Variants in MAP1S observed in about 807,000 individuals in gnomAD.
MAP1S encodes microtubule associated protein 1S.
A neutral mutation model predicts 60.9 loss-of-function variants in MAP1S; 27 were observed. The observed-to-expected ratio is 0.44, with a 90% CI of 0.33 to 0.61. MAP1S has a LOEUF of 0.61. MAP1S is among the 20% of genes least tolerant of loss of function. The pLI is 0.03. For missense variants in MAP1S, 1,608 were observed against 1,486.6 expected, an observed-to-expected ratio of 1.08 and a Z score of -1.34; for synonymous variants, 826 against 694.2, an observed-to-expected ratio of 1.19 and a Z score of -2.98.
At chr19:17,720,605 G>A in intron 1 of MAP1S, 1 of 1,193,856 alleles carries the variant, frequency 8.4e-7, no homozygotes, top group Non-Finnish European at 1.1e-6. Context: ...GGGGCGGCAG[G>A]GGGATGGACT....
chr19:17,725,107 G>A lies in MAP1S; in HGVS notation c.362G>A (p.Cys121Tyr), dbSNP rs1416949323. 1.2e-6 allele frequency: 2 copies of A among 1,614,052 alleles called. No individual in the cohort carries two copies. Among genetic ancestry groups the A allele is most frequent in the Non-Finnish European group, 8.5e-7 (1 of 1,180,040 alleles). ...SHKLLVLAGP[C>Y]LEETGELLLQ... is the part of the protein sequence containing the mutation. ...AAGCTACTGGTGTTGGCTGGGCCCT[G>A]CCTGGAGGAGACGGGGGAGCTGCTG... The change falls in exon 4 of 7, where the codon TGC becomes TAC. Residue 121 changes from cysteine to tyrosine, a missense_variant. By Grantham distance (194) the Cys-to-Tyr change is radical. Coordinates refer to ENST00000324096, the MANE Select transcript of MAP1S (RefSeq NM_018174.6). This position sits in a 1 kb window ranked among gnomAD's most constrained non-coding sequence, Gnocchi z 4.2.
chr19:17,728,498 C>G (rs536959834), intron 5 of MAP1S, among the ~76,000 whole-genome samples: 11 of 152,100 alleles, frequency 7.2e-5, no homozygotes, highest in Non-Finnish European at 1.5e-4. Context: ...GTGTGCCCAC[C>G]TCAGCCTCCC....
rs200333396 is a variant in MAP1S, at chr19:17,726,783, C to T, written c.1399C>T (p.Pro467Ser). The T allele has an allele frequency of 3.7e-4, 579 of 1,552,446 alleles. 6 individuals carry two copies. In the African/African-American group the frequency reaches 6.9e-3, roughly 19 times the overall value. ...GGTGACGCCCCAGGACCTGGAGGGGCCGGGGCGAGCCGAGAGCAAAGAGAG... is the reference window on the plus strand; with the variant it reads ...GGTGACGCCCCAGGACCTGGAGGGGTCGGGGCGAGCCGAGAGCAAAGAGAG... ...PVVTPQDLEGPGRAESKESVG... is the reference protein window; with the variant it reads ...PVVTPQDLEGSGRAESKESVG... The change falls in exon 5 of 7, where the codon CCG (proline) becomes TCG (serine). Residue 467 changes from proline (P) to serine (S), a missense_variant. Around this residue, in one of 4 missense-constraint regions of MAP1S, gnomAD observed 1,167 missense variants for 961.4 expected, o/e 1.21. Coordinates refer to ENST00000324096, the MANE Select transcript of MAP1S (RefSeq NM_018174.6).
rs1435075764 is a variant in MAP1S, at chr19:17,721,002, C to T, written c.185C>T (p.Ser62Phe). 6.2e-7 allele frequency: 1 copy of T among 1,614,096 alleles called. No homozygotes were observed. Among genetic ancestry groups the T allele is most frequent in the East Asian group, 2.2e-5 (1 of 44,884 alleles). Residue 62 changes from serine to phenylalanine, a missense_variant, in exon 2 of 7, where the codon TCC (serine) becomes TTC (phenylalanine). Physicochemically the swap from Ser to Phe is radical, Grantham distance 155. Coordinates refer to ENST00000324096, the MANE Select transcript of MAP1S (RefSeq NM_018174.6). ...NLDEQLKVFV[S>F]RHSATFSSIV... ...GATGAACAGCTCAAGGTCTTTGTGT[C>T]CCGACACTCTGCCACCTTCTCCAGC... is the stretch of plus-strand genomic sequence containing the variant.
rs1250279146 is a variant in MAP1S at position 17,724,196 on chromosome 19, C to G, written c.291C>G (p.Ser97=). Residue 97 remains serine (S), a synonymous_variant, in exon 3 of 7, where the codon TCC becomes TCG. Coordinates refer to ENST00000324096, the MANE Select transcript of MAP1S (RefSeq NM_018174.6). The part of the protein sequence containing the change: ...TLVLLNPSDK[S]LYDELRNLLL... ...TCCTCCTGAACCCATCAGACAAGTC[C>G]CTGTATGATGAGGTAGGGAATGGCT... 1.9e-6 allele frequency: 3 copies of G among 1,613,726 alleles called. No homozygotes were observed. The highest frequency in any genetic ancestry group is 2.5e-6 in the Non-Finnish European group (3 of 1,179,920).
At chr19:17,722,999 G>A (rs2145972116) in intron 2 of MAP1S, among the ~76,000 whole-genome samples, 1 of 152,286 alleles carries the variant, frequency 6.6e-6, no homozygotes, top group South Asian at 2.1e-4. Flanking sequence ...CCCTGGTCCG[G>A]GTTGGCCCTC....
intron 2 of MAP1S, 92 bp from the exon 3 acceptor site, chr19:17,724,034 A>T: frequency 1.1e-6 from 1 of 917,210 alleles, no homozygotes; most frequent in Non-Finnish European, 1.8e-6. Flanking sequence ...TCTCCATATG[A>T]TCCCTGGGTG....
intron 5 of MAP1S, among the ~76,000 whole-genome samples, chr19:17,731,308 T>G (rs2080491316): frequency 6.6e-6 from 1 of 152,228 alleles, no homozygotes; most frequent in Non-Finnish European, 1.5e-5. Context: ...AAAGATCCAG[T>G]GTCATTCTCT....
intron 5 of MAP1S, chr19:17,732,921 A>G (rs568611892): frequency 1.3e-4 from 59 of 463,822 alleles, no homozygotes; most frequent in African/African-American, 1.1e-3. Flanking sequence ...GCGTGGTGAC[A>G]TGCACCTGTA....
chr19:17,726,520 C>T lies in MAP1S; in HGVS notation c.1136C>T (p.Ala379Val). 6.4e-7 allele frequency: 1 copy of T among 1,559,186 alleles called. No homozygotes were observed. Among genetic ancestry groups the T allele is most frequent in the South Asian group, 1.2e-5 (1 of 85,606 alleles). Residue 379 changes from alanine to valine, a missense_variant, in exon 5 of 7, where the codon GCC (alanine) becomes GTC (valine). Coordinates refer to ENST00000324096, the MANE Select transcript of MAP1S (RefSeq NM_018174.6). ...PLPLSRGPVP[A>V]KPTVLFEKMG... ...CCACTCAGCCGCGGCCCCGTGCCAG[C>T]CAAACCCACCGTGCTCTTCGAGAAG...
intron 2 of MAP1S, among the ~76,000 whole-genome samples, chr19:17,722,843 C>CGA (rs145948800): frequency 1.4e-5 from 2 of 147,710 alleles, no homozygotes; most frequent in Admixed American, 1.4e-4. Flanking sequence ...GTGATAAGGG[C>CGA]GAGAGAGAGA....
rs1482491313 is a variant in MAP1S, at chr19:17,725,548, A to T, written c.445-281A>T. On this transcript the variant is annotated intron_variant, in intron 4 of 6. Transcript: ENST00000324096. This position sits in a 1 kb window ranked among gnomAD's most constrained non-coding sequence, Gnocchi z 4.2. ...AATGGTGAGAAAAGGTTCAGTAGAC[A>T]GGTGGGGCGTGGAGAGTCTCCTTGG... Among the ~76,000 whole-genome samples the T allele has an allele frequency of 6.6e-6, 1 of 152,196 alleles. No individual in the cohort carries two copies.
chr19:17,727,767 T>C lies in MAP1S; in HGVS notation c.2383T>C (p.Ser795Pro). ...TSVSESLPTLSDSDPVPLAPG... is the reference protein window; with the variant it reads ...TSVSESLPTLPDSDPVPLAPG... ...GGTCAGCGAGTCCCTGCCCACCCTG[T>C]CTGACTCGGATCCCGTGCCCCTGGC... Residue 795 changes from serine to proline, a missense_variant, in exon 5 of 7, where the codon TCT (serine) becomes CCT (proline). Ser to Pro is a moderately conservative substitution (Grantham distance 74). Around this residue, in one of 4 missense-constraint regions of MAP1S, gnomAD observed 1,167 missense variants for 961.4 expected, o/e 1.21. Transcript: ENST00000324096. The surrounding 1 kb of genome is among the most constrained non-coding windows in gnomAD (Gnocchi z 4.1). 3 of 1,610,452 alleles carry C rather than the reference T, an allele frequency of 1.9e-6. No individual in the cohort carries two copies. In the South Asian group the frequency reaches 3.3e-5, roughly 18 times the overall value.
intron 2 of MAP1S, among the ~76,000 whole-genome samples, chr19:17,722,766 AGAGGGAGG>A (rs754077101): frequency 8.9e-6 from 1 of 111,884 alleles, no homozygotes; most frequent in African/African-American, 3.3e-5. Context: ...AGAGAGAGAG[AGAGGGAGG>A]GAGGGAGGGA....
At chr19:17,724,022 A>C in intron 2 of MAP1S, 104 bp from the exon 3 acceptor site, 1 of 804,340 alleles carries the variant, frequency 1.2e-6, no homozygotes, top group Non-Finnish European at 2.1e-6. Flanking sequence ...TGCGCCTGTT[A>C]ATCTCCATAT....
rs566755139 is a variant in MAP1S at position 17,728,036 on chromosome 19, C to T, written c.2652C>T (p.Ala884=). 12 of 1,612,154 alleles carry T rather than the reference C, an allele frequency of 7.4e-6. No homozygotes were observed. The South Asian group carries it at 1.3e-4, about 18-fold the overall frequency. ...CCAAAGCCACTCCAGTGGCTGCTGC[C>T]AAAACCAAGGGGCTTGCTGGTGGGG... ...AAPKATPVAA[A]KTKGLAGGDR... is the part of the protein sequence containing the mutation. The change falls in exon 5 of 7, where the codon GCC becomes GCT. Residue 884 remains alanine, a synonymous_variant. Transcript: ENST00000324096.
At chr19:17,722,753 AAG>A (rs766560592) in intron 2 of MAP1S, among the ~76,000 whole-genome samples, 19 of 125,708 alleles carry the variant, frequency 1.5e-4, no homozygotes, top group Non-Finnish European at 1.9e-4. Context: ...CATCTCAAAA[AAG>A]AGAGAGAGAG....
Position 17,726,355 on chromosome 19 carries a change from ACAGGCTGCG to A in MAP1S, c.978_986del (p.Arg327_Leu329del), listed in dbSNP as rs1194527974. On this transcript the variant is annotated inframe_deletion, in exon 5 of 7. Coordinates refer to ENST00000324096, the MANE Select transcript of MAP1S (RefSeq NM_018174.6). Reference sequence around the variant, plus strand: ...GCTGCTGGTGGGGGCTCCTGGGACGACAGGCTGCGCAGGCTCATCTCCCCCAACCTGGGG... The same window carrying A: ...GCTGCTGGTGGGGGCTCCTGGGACGACAGGCTCATCTCCCCCAACCTGGGG... The A allele has an allele frequency of 6.3e-7, 1 of 1,599,470 alleles. No homozygotes were observed. Among genetic ancestry groups the A allele is most frequent in the South Asian group, 1.1e-5 (1 of 90,406 alleles).
chr19:17,727,637 G>A lies in MAP1S; in HGVS notation c.2253G>A (p.Val751=), dbSNP rs777674436. ...GTGAATTTGAGCATCGCAAGGCGGT[G>A]CCAATGGCACCGGCACCTGCGTCCC... ...SPCEFEHRKA[V]PMAPAPASPG... is the part of the protein sequence containing the mutation. The change falls in exon 5 of 7, where the codon GTG becomes GTA. Residue 751 remains valine, a synonymous_variant. Transcript: ENST00000324096. The surrounding 1 kb of genome is among the most constrained non-coding windows in gnomAD (Gnocchi z 4.1). 6.2e-7 allele frequency: 1 copy of A among 1,608,228 alleles called. No homozygotes were observed. The highest frequency in any genetic ancestry group is 2.2e-5 in the East Asian group (1 of 44,832).
Sources: gnomAD v4.1 joint callset for allele counts (sites outside exome capture counted in the v4.1 genomes callset) on GRCh38, gnomAD v4.1.1 for gene constraint, gnomAD v4.1.1 regional missense constraint, Gnocchi (gnomAD v3.1) non-coding constraint, MANE v1.5 for transcripts, NCBI Gene and HGNC (gene_info 2026-07-23, HGNC 2026-07-21) for gene names.